PTPRJ: variants seen among roughly 807,000 people sequenced by gnomAD.
The protein encoded by PTPRJ is protein tyrosine phosphatase receptor type J.
A neutral mutation model predicts 141.3 loss-of-function variants in PTPRJ; 129 were observed. The observed-to-expected ratio is 0.91, with a 90% CI of 0.79 to 1.06. The LOEUF (loss-of-function observed/expected upper bound fraction) is 1.06. PTPRJ is among the 50% of genes least tolerant of loss of function. The pLI is 0.00. For synonymous variants in PTPRJ, 610 were observed against 640.5 expected, an observed-to-expected ratio of 0.95 and a Z score of 0.72; for missense variants, 1,601 against 1,679.7, an observed-to-expected ratio of 0.95 and a Z score of 0.82.
chr11:48,154,149 AG>A (rs1857548442), intron 19 of PTPRJ, among the ~76,000 whole-genome samples: 1 of 152,258 alleles, frequency 6.6e-6, no homozygotes, highest in South Asian at 2.1e-4. Context: ...CAGAGTGGTT[AG>A]GTGATCTTTC....
chr11:47,998,716 CATT>C (rs1398438253), intron 1 of PTPRJ, among the ~76,000 whole-genome samples: 1 of 152,218 alleles, frequency 6.6e-6, no homozygotes, highest in African/African-American at 2.4e-5. Context: ...CAGCTGCTGT[CATT>C]ATTATTGTTT....
At chr11:48,130,389 T>C in intron 7 of PTPRJ, 70 bp from the exon 8 acceptor site, 1 of 1,442,638 alleles carries the variant, frequency 6.9e-7, no homozygotes, top group South Asian at 1.3e-5. Flanking sequence ...CTCAGTATTT[T>C]CTGAGGTGGG....
At chr11:48,000,164 A>G (rs1315786154) in intron 1 of PTPRJ, among the ~76,000 whole-genome samples, 1 of 123,734 alleles carries the variant, frequency 8.1e-6, no homozygotes, top group African/African-American at 3.2e-5. Flanking sequence ...TTTTTGAGAT[A>G]GGGTCGTGTT....
At chr11:48,000,226 A>G (rs34895872) in intron 1 of PTPRJ, among the ~76,000 whole-genome samples, 61,651 of 149,264 alleles carry the variant, frequency 0.41, 17,731 homozygotes, top group African/African-American at 0.83. Flanking sequence ...TTGCAGCCTC[A>G]ACTTCCTGGG....
rs369591621 is a variant in PTPRJ at position 48,112,862 on chromosome 11, T to C, written c.231T>C (p.Pro77=). The change falls in exon 3 of 25, where the codon CCT becomes CCC. Residue 77 remains proline (P), a synonymous_variant. Transcript: ENST00000418331. ...SFHKQNGTGT[P]QVETNTSEDG... ...ATAAACAGAATGGAACTGGAACACC[T>C]CAGGTGGAAACAAACACCAGTGAGG... is the stretch of plus-strand genomic sequence containing the variant. 11 of 1,613,988 alleles carry C rather than the reference T, an allele frequency of 6.8e-6. No homozygotes were observed. Among genetic ancestry groups the C allele is most frequent in the Middle Eastern group, 1.6e-4 (1 of 6,084 alleles).
At chr11:48,166,268 T>C (rs951299874) in intron 24 of PTPRJ, among the ~76,000 whole-genome samples, 1 of 151,918 alleles carries the variant, frequency 6.6e-6, no homozygotes, top group Admixed American at 6.6e-5. Flanking sequence ...TGTACATCTG[T>C]AAACACACAC....
chr11:48,144,110 A>G (rs1398878963), intron 12 of PTPRJ, among the ~76,000 whole-genome samples: 2 of 152,030 alleles, frequency 1.3e-5, no homozygotes, highest in African/African-American at 4.8e-5. Context: ...CTTGAGGAGG[A>G]TAGAGACCAA....
At chr11:48,075,141 TTAG>T (rs774985745) in intron 1 of PTPRJ, among the ~76,000 whole-genome samples, 159 of 151,808 alleles carry the variant, frequency 1.0e-3, no homozygotes, top group South Asian at 1.7e-3. Context: ...ATTTATTTAG[TTAG>T]TTAGTTAGTT....
At chr11:47,989,539 A>C (rs1360598830) in intron 1 of PTPRJ, among the ~76,000 whole-genome samples, 1 of 151,924 alleles carries the variant, frequency 6.6e-6, no homozygotes, top group Non-Finnish European at 1.5e-5. Context: ...CGGCCTCCCA[A>C]AGTGCTGAGA....
At chr11:48,134,422 A>G (rs1403035433) in intron 8 of PTPRJ, among the ~76,000 whole-genome samples, 1 of 152,158 alleles carries the variant, frequency 6.6e-6, no homozygotes, top group Non-Finnish European at 1.5e-5. Context: ...GTTTATAGAC[A>G]AAGGCTGCCT....
chr11:48,021,341 T>C (rs1268978886), intron 1 of PTPRJ, among the ~76,000 whole-genome samples: 1 of 150,786 alleles, frequency 6.6e-6, no homozygotes, highest in Non-Finnish European at 1.5e-5. Context: ...GCCATTGCAC[T>C]CCAGCCTGGG....
At chr11:48,132,378 T>G (rs1392431320) in intron 8 of PTPRJ, 1 of 977,680 alleles carries the variant, frequency 1.0e-6, no homozygotes, top group Non-Finnish European at 1.2e-6. Flanking sequence ...AAAAAATTTT[T>G]TTTTATAGAA....
At chr11:48,042,726 TCTGA>T (rs1301364451) in intron 1 of PTPRJ, among the ~76,000 whole-genome samples, 1 of 151,658 alleles carries the variant, frequency 6.6e-6, no homozygotes, top group Non-Finnish European at 1.5e-5. Context: ...GGCCCTGGGT[TCTGA>T]CTTTCTTTTG....
At chr11:48,062,900 G>A (rs531500093) in intron 1 of PTPRJ, among the ~76,000 whole-genome samples, 2 of 152,358 alleles carry the variant, frequency 1.3e-5, no homozygotes, top group South Asian at 4.1e-4. Flanking sequence ...CAGTAGAGTT[G>A]TCATGCATTC....
chr11:48,160,126 T>G, intron 22 of PTPRJ, 77 bp downstream of exon 22: 1 of 1,538,908 alleles, frequency 6.5e-7, no homozygotes, highest in East Asian at 2.3e-5. Context: ...TTTAGGTTGA[T>G]ATTAACTAAT....
chr11:48,149,611 T>C (rs949461613), intron 16 of PTPRJ, 123 bp downstream of exon 16: 4 of 690,478 alleles, frequency 5.8e-6, no homozygotes, highest in African/African-American at 5.6e-5. Context: ...ACCATGACCA[T>C]CTGGAAGTTT....
intron 1 of PTPRJ, among the ~76,000 whole-genome samples, chr11:47,993,993 T>A (rs530902680): frequency 3.9e-5 from 6 of 151,908 alleles, no homozygotes; most frequent in Non-Finnish European, 7.4e-5. Context: ...CCTGAGTAGC[T>A]GGGACTATAT....
At chr11:48,026,545 G>A (rs898783739) in intron 1 of PTPRJ, among the ~76,000 whole-genome samples, 4 of 151,386 alleles carry the variant, frequency 2.6e-5, no homozygotes, top group African/African-American at 7.3e-5. Flanking sequence ...GCAATGGTGC[G>A]ATCTTGGCTC....
chr11:48,156,292 A>G (rs1272479187), intron 21 of PTPRJ, among the ~76,000 whole-genome samples, 173 bp downstream of exon 21: 1 of 152,194 alleles, frequency 6.6e-6, no homozygotes, highest in Admixed American at 6.5e-5. Flanking sequence ...GTTTAAAAAC[A>G]TTCTTTAAAC....
Sources: gnomAD v4.1 joint callset for allele counts (sites outside exome capture counted in the v4.1 genomes callset) on GRCh38, gnomAD v4.1.1 for gene constraint, MANE v1.5 for transcripts, NCBI Gene and HGNC (gene_info 2026-07-23, HGNC 2026-07-21) for gene names.